The following YAE1 variants were observed in gnomAD, a reference collection of about 807,000 sequenced individuals.
YAE1 encodes the protein protein YAE1 homolog.
A neutral mutation model predicts 23.0 loss-of-function variants in YAE1; 22 were observed. The ratio of observed to expected loss-of-function variants is 0.96; its 90% CI spans 0.68 to 1.37. YAE1 has a LOEUF of 1.37. YAE1 is among the 40% of genes most tolerant of loss of function. The pLI is 0.00. For missense variants in YAE1, 260 were observed against 262.1 expected (o/e 0.99, Z 0.06); for synonymous variants, 101 against 97.0 (o/e 1.04, Z -0.24).
intron 2 of YAE1, among the ~76,000 whole-genome samples, chr7:39,589,759 G>T (rs565055959): frequency 2.0e-5 from 3 of 152,282 alleles, no homozygotes; most frequent in African/African-American, 7.2e-5. Flanking sequence ...TTCCCAGGAG[G>T]CCCCAGGAGA....
chr7:39,569,896 T>C (rs896119534), intron 1 of YAE1: 3 of 1,129,580 alleles, frequency 2.7e-6, no homozygotes, highest in African/African-American at 1.5e-5. Context: ...TGATAAATAG[T>C]AGGAAGAACA....
At chr7:39,589,732 T>G (rs1790875248) in intron 2 of YAE1, among the ~76,000 whole-genome samples, 1 of 152,178 alleles carries the variant, frequency 6.6e-6, no homozygotes. Context: ...ACATCTCCAT[T>G]ACAAAATGCT....
intron 2 of YAE1, among the ~76,000 whole-genome samples, chr7:39,595,047 T>C (rs1458851358): frequency 6.6e-6 from 1 of 152,208 alleles, no homozygotes; most frequent in African/African-American, 2.4e-5. Context: ...AGATAAACTT[T>C]TTGAAAGGAG....
At chr7:39,602,653 C>G (rs909658314) in intron 2 of YAE1, among the ~76,000 whole-genome samples, 2 of 152,246 alleles carry the variant, frequency 1.3e-5, no homozygotes, top group African/African-American at 4.8e-5. Flanking sequence ...GAAAATTCCT[C>G]TCTACGTTGT....
At chr7:39,599,720 T>C (rs1317388884) in intron 2 of YAE1, among the ~76,000 whole-genome samples, 3 of 151,714 alleles carry the variant, frequency 2.0e-5, no homozygotes, top group Non-Finnish European at 2.9e-5. Flanking sequence ...ATTTATTTTA[T>C]TTATTTTGTA....
At chr7:39,574,544 G>A (rs1199658497), downstream of YAE1, among the ~76,000 whole-genome samples, 1 of 151,942 alleles carries the variant, frequency 6.6e-6, no homozygotes, top group Non-Finnish European at 1.5e-5. Context: ...ACCAGCCTGG[G>A]CAACATGGTG....
chr7:39,569,379 A>G, intron 1 of YAE1: 1 of 414,186 alleles, frequency 2.4e-6, no homozygotes, highest in Non-Finnish European at 4.8e-6. Context: ...TATACAATTT[A>G]TCTGTGACCA....
At chr7:39,610,399 C>T (rs1791194534), downstream of YAE1, 4 of 457,162 alleles carry the variant, frequency 8.7e-6, no homozygotes, top group Non-Finnish European at 1.7e-5. Flanking sequence ...AACATTCCAA[C>T]GTTTCTGCAG....
intron 1 of YAE1, chr7:39,567,087 C>G (rs76986107): frequency 0.074 from 11,274 of 152,388 alleles, 442 homozygotes; most frequent in East Asian, 0.12. Flanking sequence ...ACTTTTTCAT[C>G]TCTAATTTGT....
At chr7:39,572,137 G>A (rs774364217) in intron 2 of YAE1, 140 bp from the exon 3 acceptor site, 199 of 865,636 alleles carry the variant, frequency 2.3e-4, no homozygotes, top group Non-Finnish European at 3.0e-4. Context: ...CAGGAAAAGC[G>A]TATATAGAGT....
chr7:39,567,546 C>T (rs1790492590), intron 1 of YAE1, among the ~76,000 whole-genome samples: 2 of 151,142 alleles, frequency 1.3e-5, no homozygotes, highest in Non-Finnish European at 2.9e-5. Context: ...TTGGCAAGAG[C>T]CCAGATGTGT....
chr7:39,602,063 A>G (rs1406004918), intron 2 of YAE1, among the ~76,000 whole-genome samples: 1 of 152,214 alleles, frequency 6.6e-6, no homozygotes, highest in Non-Finnish European at 1.5e-5. Flanking sequence ...GTTACCTAGG[A>G]GTAATTAACA....
chr7:39,588,819 AG>A (rs201951899), intron 2 of YAE1, among the ~76,000 whole-genome samples: 4 of 69,272 alleles, frequency 5.8e-5, no homozygotes, highest in Non-Finnish European at 1.5e-4. Context: ...ATATAATTTT[AG>A]GTTTTTTTTT....
downstream of YAE1, among the ~76,000 whole-genome samples, chr7:39,574,914 G>T (rs1004312765): frequency 6.6e-6 from 1 of 152,186 alleles, no homozygotes; most frequent in Non-Finnish European, 1.5e-5. Context: ...CTAAAAACAT[G>T]AAATACAGAA....
intron 2 of YAE1, among the ~76,000 whole-genome samples, chr7:39,586,449 G>C (rs1583676154): frequency 6.6e-6 from 1 of 151,120 alleles, no homozygotes. Context: ...TGGGATTACA[G>C]GGGTGAGCCA....
At chr7:39,566,760 G>A (rs940214373) in intron 1 of YAE1, 4 of 610,042 alleles carry the variant, frequency 6.6e-6, no homozygotes, top group African/African-American at 1.9e-5. Flanking sequence ...TACGGGATGC[G>A]TTAGAAACTG....
intron 2 of YAE1, among the ~76,000 whole-genome samples, chr7:39,586,007 G>A (rs1160685749): frequency 6.6e-6 from 1 of 152,102 alleles, no homozygotes; most frequent in Non-Finnish European, 1.5e-5. Context: ...AGCCGAGGTG[G>A]AAGGATCACT....
downstream of YAE1, among the ~76,000 whole-genome samples, chr7:39,575,537 G>GGA (rs56954676): frequency 0.039 from 5,065 of 131,092 alleles, 102 homozygotes; most frequent in Middle Eastern, 0.062. Context: ...CTAAGATACA[G>GGA]GAGAGAGAGA....
downstream of YAE1, among the ~76,000 whole-genome samples, chr7:39,575,563 AGAGAGAGAGAGAGAGTGAGT>A (rs1184037930): frequency 2.3e-4 from 26 of 112,096 alleles, no homozygotes; most frequent in African/African-American, 1.2e-3. Flanking sequence ...AGAGAGAGAG[AGAGAGAGAGAGAGAGTGAGT>A]GTGTGTGTGT....
Sources: allele counts gnomAD v4.1 joint callset (sites outside exome capture counted in the v4.1 genomes callset), GRCh38; gene constraint gnomAD v4.1.1; transcripts MANE v1.5; gene names NCBI Gene and HGNC (gene_info 2026-07-23, HGNC 2026-07-21).